The following TMEM132B variants were observed in gnomAD, a reference collection of about 807,000 sequenced individuals.
TMEM132B encodes transmembrane protein 132B.
Under a neutral mutation model 90.8 loss-of-function variants are expected in TMEM132B, and 18 were observed. The ratio of observed to expected loss-of-function variants is 0.20; its 90% CI spans 0.14 to 0.29. The LOEUF is 0.29. TMEM132B is among the 10% of genes least tolerant of loss of function. The pLI is 1.00. For synonymous variants in TMEM132B, 504 were observed against 523.3 expected, an observed-to-expected ratio of 0.96 and a Z score of 0.50; for missense variants, 1,096 against 1,326.8, an observed-to-expected ratio of 0.83 and a Z score of 2.70.
At chr12:125,567,428 G>C (rs1884685618) in intron 4 of TMEM132B, among the ~76,000 whole-genome samples, 1 of 150,636 alleles carries the variant, frequency 6.6e-6, no homozygotes, top group South Asian at 2.1e-4. Flanking sequence ...TCTCCTTCTT[G>C]CTCTGACCCC....
Position 125,657,335 on chromosome 12 carries a change from CCG to C in TMEM132B, c.*2626_*2627del, listed in dbSNP as rs10600811. 0.43 allele frequency: 57,777 copies of C among 134,160 alleles called. 11,778 individuals carry two copies. Among genetic ancestry groups the C allele is most frequent in the East Asian group, 0.61 (3,065 of 5,056 alleles). 8.3% of individuals were successfully genotyped at this position (134,160 alleles called of 1,614,324 possible). A position where few individuals can be genotyped will look rare whatever the true frequency, so the allele number is the denominator to read the frequency against. On this transcript the variant is annotated 3_prime_UTR_variant, in exon 9 of 9. Transcript: ENST00000682704. ...TATAAACGCATATACATACATATAC[CCG>C]TGTGTGTGTGTGTGTGTGTGTGTGT...
intron 1 of TMEM132B, among the ~76,000 whole-genome samples, chr12:125,222,858 T>A (rs144256991): frequency 6.6e-6 from 1 of 152,224 alleles, no homozygotes; most frequent in Non-Finnish European, 1.5e-5. Context: ...ATTGCCCCCA[T>A]TGGAGAACTC....
At chr12:125,382,652 G>T (rs1400557944) in intron 2 of TMEM132B, among the ~76,000 whole-genome samples, 1 of 152,184 alleles carries the variant, frequency 6.6e-6, no homozygotes, top group Non-Finnish European at 1.5e-5. Flanking sequence ...CCTTTAAAAA[G>T]TGTAAAAGTC....
At chr12:125,387,821 C>CT (rs1435292960) in intron 2 of TMEM132B, among the ~76,000 whole-genome samples, 1 of 152,010 alleles carries the variant, frequency 6.6e-6, no homozygotes, top group Non-Finnish European at 1.5e-5. Context: ...CCATCCTTAA[C>CT]TAACAGCAAA....
At chr12:125,211,125 A>G (rs947065288) in intron 1 of TMEM132B, among the ~76,000 whole-genome samples, 1 of 151,998 alleles carries the variant, frequency 6.6e-6, no homozygotes, top group Non-Finnish European at 1.5e-5. Context: ...GATGTGGAGT[A>G]TGAAAGAAAG....
chr12:125,429,328 T>A (rs564156580), intron 3 of TMEM132B, among the ~76,000 whole-genome samples: 4 of 152,092 alleles, frequency 2.6e-5, no homozygotes, highest in Admixed American at 2.6e-4. Context: ...GCTTCCTAAG[T>A]CGCTGGGACT....
chr12:125,252,307 C>A (rs574275052), intron 1 of TMEM132B, among the ~76,000 whole-genome samples: 1 of 152,204 alleles, frequency 6.6e-6, no homozygotes, highest in Admixed American at 6.5e-5. Context: ...TCCCTTCTCT[C>A]TAGTGAGTGC....
intron 3 of TMEM132B, among the ~76,000 whole-genome samples, chr12:125,447,493 C>T (rs376462069): frequency 7.9e-5 from 12 of 152,192 alleles, no homozygotes; most frequent in African/African-American, 1.7e-4. Context: ...GCTCTGTATA[C>T]GCCATTATTG....
At position 125,366,231 on chromosome 12, in the gene TMEM132B, C is replaced by CTGTG. The variant is rs376395060; in HGVS notation, c.959+15900_959+15903dup. ...TTCTTTTTATGGCTGAATAATATTG[C>CTGTG]TGTGTGTGTGTGTGTACACAGCACA... On this transcript the variant is annotated intron_variant, in intron 2 of 8. Coordinates refer to ENST00000682704, the MANE Select transcript of TMEM132B (RefSeq NM_001366854.1). Among the ~76,000 whole-genome samples, 414 of 151,244 alleles carry CTGTG rather than the reference C, an allele frequency of 2.7e-3. 3 individuals carry two copies. Among genetic ancestry groups the CTGTG allele is most frequent in the African/African-American group, 9.4e-3 (390 of 41,306 alleles).
intron 2 of TMEM132B, among the ~76,000 whole-genome samples, chr12:125,387,309 C>T (rs1398419308): frequency 6.6e-6 from 1 of 152,174 alleles, no homozygotes. Flanking sequence ...AAATACTGGA[C>T]CCTTGAACAC....
chr12:125,312,855 G>C (rs1362270579), intron 1 of TMEM132B, among the ~76,000 whole-genome samples: 1 of 152,184 alleles, frequency 6.6e-6, no homozygotes, highest in Non-Finnish European at 1.5e-5. Flanking sequence ...ACAGGATGGG[G>C]ATGAGGGTGT....
chr12:125,624,350 A>G (rs2048310314), intron 5 of TMEM132B, among the ~76,000 whole-genome samples: 1 of 152,166 alleles, frequency 6.6e-6, no homozygotes, highest in African/African-American at 2.4e-5. Context: ...TGGACAGCCC[A>G]CTTCATCTCA....
intron 5 of TMEM132B, among the ~76,000 whole-genome samples, chr12:125,614,216 C>G (rs1402367246): frequency 6.6e-6 from 1 of 151,308 alleles, no homozygotes; most frequent in Non-Finnish European, 1.5e-5. Flanking sequence ...AGTGTGGATC[C>G]TGTCACCCAG....
At chr12:125,461,370 T>G (rs1881430987) in intron 3 of TMEM132B, among the ~76,000 whole-genome samples, 3 of 152,204 alleles carry the variant, frequency 2.0e-5, no homozygotes, top group African/African-American at 7.2e-5. Context: ...TTCCTCTCAA[T>G]CAGGGTCAAA....
chr12:125,527,303 C>CGTT (rs1226233314), intron 4 of TMEM132B, among the ~76,000 whole-genome samples: 1 of 105,594 alleles, frequency 9.5e-6, no homozygotes. Context: ...TCCATCCACC[C>CGTT]TCCACTCTTC....
chr12:125,572,565 A>G (rs148902086), intron 4 of TMEM132B, among the ~76,000 whole-genome samples: 8 of 152,354 alleles, frequency 5.3e-5, no homozygotes, highest in Non-Finnish European at 1.0e-4. Flanking sequence ...ATTCTGTTAT[A>G]GCAGCACAAA....
intron 4 of TMEM132B, among the ~76,000 whole-genome samples, chr12:125,520,659 A>G (rs934928048): frequency 6.6e-6 from 1 of 152,024 alleles, no homozygotes; most frequent in African/African-American, 2.4e-5. Context: ...CTGCCAGCTC[A>G]TCACCCTCTA....
intron 1 of TMEM132B, among the ~76,000 whole-genome samples, chr12:125,254,320 GA>G (rs772892220): frequency 3.9e-5 from 6 of 152,106 alleles, no homozygotes; most frequent in Non-Finnish European, 8.8e-5. Flanking sequence ...ACTTTGAGAA[GA>G]AGAGCAAAAC....
intron 2 of TMEM132B, among the ~76,000 whole-genome samples, chr12:125,365,667 G>A (rs1168370040): frequency 6.7e-6 from 1 of 150,364 alleles, no homozygotes; most frequent in African/African-American, 2.4e-5. Context: ...ATTTTTTTTT[G>A]CTATTTGTAG....
Sources: gnomAD v4.1 joint callset for allele counts (sites outside exome capture counted in the v4.1 genomes callset) on GRCh38, gnomAD v4.1.1 for gene constraint, MANE v1.5 for transcripts, NCBI Gene and HGNC (gene_info 2026-07-23, HGNC 2026-07-21) for gene names.